Variants in TULP4 observed in about 807,000 individuals in gnomAD.
The protein encoded by TULP4 is tubby-related protein 4.
In TULP4, 16 loss-of-function variants were observed where a neutral mutation model predicts 129.0. That is an observed-to-expected ratio of 0.12 (90% CI 0.08 to 0.19). The LOEUF is 0.19. Among genes scored for constraint, TULP4 ranks in the 10% least tolerant of loss-of-function variants. The probability of loss-of-function intolerance (pLI) is 1.00; values close to 1 mark genes in which losing one functional copy is unlikely to be tolerated. For synonymous variants in TULP4, 998 were observed against 854.0 expected, an observed-to-expected ratio of 1.17 and a Z score of -2.94; for missense variants, 1,842 against 2,059.1, an observed-to-expected ratio of 0.89 and a Z score of 2.04.
At chr6:158,504,420 T>G (rs1780549879) in intron 13 of TULP4, among the ~76,000 whole-genome samples, 1 of 151,892 alleles carries the variant, frequency 6.6e-6, no homozygotes, top group African/African-American at 2.4e-5. Context: ...AGTCTTGGCT[T>G]CCTGCAAGCT....
chr6:158,422,939 A>G (rs1046479654), intron 2 of TULP4, among the ~76,000 whole-genome samples: 2 of 152,242 alleles, frequency 1.3e-5, no homozygotes, highest in African/African-American at 2.4e-5. Context: ...GCCATGTTGG[A>G]TGGACCCAGT....
In TULP4 at chr6:158,479,677, A is replaced by G. The variant is rs909100567; in HGVS notation, c.1027-74A>G. ...CAGCTTATTTTATTTTGCTCGAGAC[A>G]AGTGTGCATTATCCCTTTTTGCTTC... On this transcript the variant is annotated intron_variant, in intron 6 of 13. Transcript: ENST00000367097. The G allele has an allele frequency of 2.1e-6, 3 of 1,400,762 alleles. No homozygotes were observed. In the Admixed American group the frequency reaches 5.5e-5, roughly 26 times the overall value. The allele number at this position is 1,400,762 out of a possible 1,614,324, so 86.8% of individuals were successfully genotyped here.
intron 1 of TULP4, chr6:158,242,039 G>A (rs1049139591): frequency 2.5e-6 from 2 of 795,532 alleles, no homozygotes; most frequent in African/African-American, 1.7e-5. Flanking sequence ...ATTACATCTA[G>A]TAACCCTACA....
intron 1 of TULP4, among the ~76,000 whole-genome samples, chr6:158,345,886 G>A (rs1017421156): frequency 8.5e-5 from 13 of 152,116 alleles, no homozygotes; most frequent in African/African-American, 1.9e-4. Context: ...TATGTCAACC[G>A]CGTAAGACAG....
intron 6 of TULP4, among the ~76,000 whole-genome samples, chr6:158,465,649 T>G (rs1332905522): frequency 2.1e-5 from 3 of 145,844 alleles, no homozygotes; most frequent in Non-Finnish European, 4.7e-5. Context: ...TGAGCCAGTA[T>G]GAGTGATGCT....
intron 2 of TULP4, among the ~76,000 whole-genome samples, chr6:158,423,122 A>G (rs11759586): frequency 0.088 from 9,208 of 105,100 alleles, 924 homozygotes; most frequent in Non-Finnish European, 0.15. Flanking sequence ...CACAAAAAAG[A>G]GGGGGGGGGG....
intron 1 of TULP4, among the ~76,000 whole-genome samples, chr6:158,315,547 G>A (rs892324266): frequency 3.3e-5 from 5 of 152,084 alleles, no homozygotes; most frequent in South Asian, 2.1e-4. Flanking sequence ...CCATGTAAGC[G>A]CCAACAATAT....
chr6:158,342,432 G>A (rs983110778), intron 1 of TULP4, among the ~76,000 whole-genome samples: 4 of 152,118 alleles, frequency 2.6e-5, no homozygotes, highest in Non-Finnish European at 4.4e-5. Flanking sequence ...TCTAAATGCC[G>A]AGAACTAGGT....
chr6:158,289,574 G>GTTGTT (rs982379470), intron 1 of TULP4, among the ~76,000 whole-genome samples: 18 of 152,058 alleles, frequency 1.2e-4, no homozygotes, highest in Admixed American at 2.6e-4. Context: ...AGTTGTTGTT[G>GTTGTT]TTGTTTTGTT....
chr6:158,481,419 T>C, intron 8 of TULP4, 130 bp downstream of exon 8: 1 of 795,366 alleles, frequency 1.3e-6, no homozygotes, highest in East Asian at 2.7e-5. Context: ...TGGAACATCC[T>C]TGAAGCTACG....
rs771020319 is a variant in TULP4 at position 158,502,680 on chromosome 6, G to A, written c.3017G>A (p.Arg1006Gln). Reference protein sequence around the residue: ...LKMAQLADSPRAPLQPLAKSK... With the variant: ...LKMAQLADSPQAPLQPLAKSK... ...ATGGCCCAGCTGGCCGACAGCCCGC[G>A]GGCCCCCCTGCAGCCCCTGGCCAAG... is the stretch of plus-strand genomic sequence containing the variant. The change falls in exon 13 of 14, where the codon CGG becomes CAG. Residue 1006 changes from arginine to glutamine, a missense_variant. By Grantham distance (43) the Arg-to-Gln change is conservative (BLOSUM62 1). Transcript: ENST00000367097. 92 of 1,557,752 alleles carry A rather than the reference G, an allele frequency of 5.9e-5. No homozygotes were observed. The highest frequency in any genetic ancestry group is 6.7e-5 in the Non-Finnish European group (77 of 1,157,076).
intron 1 of TULP4, among the ~76,000 whole-genome samples, chr6:158,361,947 C>G (rs111993519): frequency 6.6e-6 from 1 of 152,320 alleles, no homozygotes; most frequent in Non-Finnish European, 1.5e-5. Flanking sequence ...TGATCATCAG[C>G]ATAAAATTTT....
At chr6:158,255,374 G>A (rs989235190) in intron 1 of TULP4, among the ~76,000 whole-genome samples, 2 of 152,140 alleles carry the variant, frequency 1.3e-5, no homozygotes, top group African/African-American at 4.8e-5. Context: ...TCTGGGGAAG[G>A]TGATCTTATC....
chr6:158,261,751 C>T (rs1778356226), intron 1 of TULP4, among the ~76,000 whole-genome samples: 1 of 152,032 alleles, frequency 6.6e-6, no homozygotes, highest in African/African-American at 2.4e-5. Flanking sequence ...TTGCATGGCT[C>T]CTGCTGATCA....
intron 1 of TULP4, among the ~76,000 whole-genome samples, chr6:158,296,077 C>T (rs1332980068): frequency 6.6e-6 from 1 of 152,112 alleles, no homozygotes; most frequent in Non-Finnish European, 1.5e-5. Context: ...TGTTTCTGAA[C>T]TTCATATAAT....
chr6:158,488,513 CTT>C (rs1489339112), intron 8 of TULP4, among the ~76,000 whole-genome samples: 1 of 152,166 alleles, frequency 6.6e-6, no homozygotes, highest in East Asian at 1.9e-4. Flanking sequence ...GCTTGCCAAG[CTT>C]TTCTGCCTCA....
chr6:158,246,782 G>C (rs1271596973), intron 1 of TULP4, among the ~76,000 whole-genome samples: 1 of 152,082 alleles, frequency 6.6e-6, no homozygotes, highest in Non-Finnish European at 1.5e-5. Flanking sequence ...AGAAATAACA[G>C]TCTCTATACT....
At chr6:158,445,967 C>T (rs370391653) in intron 3 of TULP4, among the ~76,000 whole-genome samples, 3 of 152,160 alleles carry the variant, frequency 2.0e-5, no homozygotes, top group African/African-American at 7.2e-5. Context: ...CTGGGGAGCA[C>T]TAGCACGGAG....
chr6:158,282,013 A>G (rs1297529683), upstream of TULP4, among the ~76,000 whole-genome samples: 7 of 152,056 alleles, frequency 4.6e-5, no homozygotes. Flanking sequence ...CAAGTTTTTT[A>G]TAGTTTGCAT....
Sources: gnomAD v4.1 joint callset for allele counts (sites outside exome capture counted in the v4.1 genomes callset) on GRCh38, gnomAD v4.1.1 for gene constraint, MANE v1.5 for transcripts, NCBI Gene and HGNC (gene_info 2026-07-23, HGNC 2026-07-21) for gene names.